Variants in EYS observed in about 807,000 individuals in gnomAD.
The protein encoded by EYS is EGF-like photoreceptor maintenance factor.
A neutral mutation model predicts 282.1 loss-of-function variants in EYS; 250 were observed. The ratio of observed to expected loss-of-function variants is 0.89; its 90% CI spans 0.80 to 0.98. The LOEUF (loss-of-function observed/expected upper bound fraction) is 0.98. Among genes scored for constraint, EYS ranks in the 50% least tolerant of loss-of-function variants. The pLI is 0.00. For synonymous variants in EYS, 1,355 were observed against 1,282.9 expected (o/e 1.06, Z -1.20); for missense variants, 4,016 against 3,709.0 (o/e 1.08, Z -2.15).
intron 26 of EYS, among the ~76,000 whole-genome samples, chr6:64,504,492 G>A (rs1462481119): frequency 2.0e-5 from 3 of 152,160 alleles, no homozygotes; most frequent in South Asian, 2.1e-4. Flanking sequence ...AATATTGGCC[G>A]ACTACCATGG....
intron 22 of EYS, among the ~76,000 whole-genome samples, chr6:64,643,480 C>T (rs1416989460): frequency 6.6e-6 from 1 of 152,184 alleles, no homozygotes; most frequent in African/African-American, 2.4e-5. Context: ...GCATCTTTTC[C>T]TCTAAGGAAA....
chr6:65,427,482 T>C (rs1327857817), intron 5 of EYS, among the ~76,000 whole-genome samples: 1 of 152,112 alleles, frequency 6.6e-6, no homozygotes, highest in Non-Finnish European at 1.5e-5. Context: ...TCTCTTTAAA[T>C]TGTGTTTTCA....
chr6:63,999,209 T>C (rs1484609603), intron 33 of EYS, 26 bp from the exon 34 acceptor site: 2 of 1,470,906 alleles, frequency 1.4e-6, no homozygotes, highest in African/African-American at 2.8e-5. Flanking sequence ...AAGAGGCCAT[T>C]ATGATATGTG....
chr6:64,337,604 A>G (rs1483282906), intron 29 of EYS, among the ~76,000 whole-genome samples: 1 of 152,070 alleles, frequency 6.6e-6, no homozygotes, highest in Non-Finnish European at 1.5e-5. Flanking sequence ...ATAGAGAAAG[A>G]GGGAACCCTC....
chr6:65,402,539 C>T lies in EYS; in HGVS notation c.1123G>A (p.Glu375Lys). The change falls in exon 7 of 43, where the codon GAG becomes AAG. Residue 375 changes from glutamate (E) to lysine (K), a missense_variant. Transcript: ENST00000503581. ...GCATTATTCCTCAAAGGAAATGACT[C>T]ACATGATGTTTGAATGCTCTTACAA... is the stretch of plus-strand genomic sequence containing the variant. The part of the protein sequence containing the change: ...LLCKSIQTSC[E>K]SFPLRNNATC... 1 of 1,557,230 alleles carries T rather than the reference C, an allele frequency of 6.4e-7. No homozygotes were observed. Among genetic ancestry groups the T allele is most frequent in the Non-Finnish European group, 8.9e-7 (1 of 1,129,316 alleles).
intron 14 of EYS, among the ~76,000 whole-genome samples, chr6:64,946,972 A>C (rs2150096785): frequency 6.6e-6 from 1 of 152,000 alleles, no homozygotes; most frequent in East Asian, 1.9e-4. Flanking sequence ...TACTGAACAG[A>C]GGTGAGAGTT....
At chr6:63,802,935 T>C (rs960889184) in intron 37 of EYS, among the ~76,000 whole-genome samples, 1 of 152,212 alleles carries the variant, frequency 6.6e-6, no homozygotes, top group Non-Finnish European at 1.5e-5. Context: ...AAATGTAGAA[T>C]TAGCATTAAT....
chr6:64,664,656 G>A (rs1443037235), intron 22 of EYS, among the ~76,000 whole-genome samples: 1 of 152,156 alleles, frequency 6.6e-6, no homozygotes, highest in Non-Finnish European at 1.5e-5. Context: ...TAGGTCCTGA[G>A]GGCTTTGCTC....
At chr6:64,667,334 T>C (rs1317964754) in intron 22 of EYS, among the ~76,000 whole-genome samples, 1 of 151,966 alleles carries the variant, frequency 6.6e-6, no homozygotes, top group African/African-American at 2.4e-5. Context: ...CCTGATGTCC[T>C]GATGGCAGAA....
intron 12 of EYS, among the ~76,000 whole-genome samples, chr6:65,170,492 T>G (rs1313954967): frequency 6.6e-6 from 1 of 151,520 alleles, no homozygotes; most frequent in Non-Finnish European, 1.5e-5. Flanking sequence ...GTCTAAGTGG[T>G]GATCTAAATT....
chr6:63,765,701 C>T (rs554225941), intron 40 of EYS, among the ~76,000 whole-genome samples: 22 of 152,126 alleles, frequency 1.4e-4, no homozygotes, highest in Admixed American at 1.2e-3. Flanking sequence ...TTATTATTGA[C>T]TATAGTCACC....
chr6:64,847,333 C>T (rs1054775228), intron 19 of EYS, among the ~76,000 whole-genome samples: 2 of 151,596 alleles, frequency 1.3e-5, no homozygotes, highest in African/African-American at 2.4e-5. Flanking sequence ...CTGAAGAACG[C>T]TAATACAGAT....
At chr6:65,574,674 C>T (rs149450154) in intron 2 of EYS, among the ~76,000 whole-genome samples, 49 of 152,218 alleles carry the variant, frequency 3.2e-4, no homozygotes, top group African/African-American at 1.1e-3. Context: ...TAGTAGGAGT[C>T]TTCAATACTC....
chr6:65,383,764 C>A (rs1765702963), intron 8 of EYS, among the ~76,000 whole-genome samples: 1 of 151,664 alleles, frequency 6.6e-6, no homozygotes, highest in Non-Finnish European at 1.5e-5. Flanking sequence ...ATACATATAG[C>A]TATTGTCTAT....
intron 22 of EYS, among the ~76,000 whole-genome samples, chr6:64,677,164 A>G (rs1213382534): frequency 2.6e-5 from 4 of 152,108 alleles, no homozygotes; most frequent in African/African-American, 9.7e-5. Flanking sequence ...AGTATTAGCT[A>G]TTATCTAAGT....
Position 65,371,712 on chromosome 6 carries a change from T to C in EYS, c.1299+12674A>G, listed in dbSNP as rs985755039. ...AAATTCCTCTCTCTCTCTCTCCCTCTCTCTCTCTCTCTCTCTCTCTCTCTC... is the reference window on the plus strand; with the variant it reads ...AAATTCCTCTCTCTCTCTCTCCCTCCCTCTCTCTCTCTCTCTCTCTCTCTC... On this transcript the variant is annotated intron_variant, in intron 8 of 42. Coordinates refer to ENST00000503581, the MANE Select transcript of EYS (RefSeq NM_001142800.2). Among the ~76,000 whole-genome samples the C allele has an allele frequency of 1.5e-4, 15 of 102,954 alleles. 1 individual carries two copies. Among genetic ancestry groups the C allele is most frequent in the African/African-American group, 6.3e-4 (14 of 22,086 alleles). The allele number at this position is 102,954 out of a possible 152,430, so 67.5% of individuals were successfully genotyped here.
intron 32 of EYS, among the ~76,000 whole-genome samples, chr6:64,075,977 G>A (rs532066526): frequency 5.3e-5 from 8 of 151,956 alleles, no homozygotes; most frequent in African/African-American, 1.9e-4. Context: ...AAACATGGCC[G>A]TACTCATTCA....
At chr6:65,078,835 C>T (rs978643626) in intron 12 of EYS, among the ~76,000 whole-genome samples, 1 of 151,782 alleles carries the variant, frequency 6.6e-6, no homozygotes, top group Admixed American at 6.6e-5. Flanking sequence ...TCCCTCATGA[C>T]TTGGTGCTGT....
At chr6:65,256,403 A>T (rs543605072) in intron 12 of EYS, among the ~76,000 whole-genome samples, 2 of 138,086 alleles carry the variant, frequency 1.4e-5, no homozygotes, top group Non-Finnish European at 3.1e-5. Flanking sequence ...ATATCTCCCA[A>T]TGCTATCCCT....
Sources: allele counts gnomAD v4.1 joint callset (sites outside exome capture counted in the v4.1 genomes callset), GRCh38; gene constraint gnomAD v4.1.1; transcripts MANE v1.5; gene names NCBI Gene and HGNC (gene_info 2026-07-23, HGNC 2026-07-21).